SIDT1: variants seen among roughly 807,000 people sequenced by gnomAD.
SIDT1 encodes the protein SID1 transmembrane family member 1, also known as SID1 transmembrane family, member 1.
SIDT1 carries 101 observed loss-of-function variants against 107.5 expected under a neutral mutation model. The ratio of observed to expected loss-of-function variants is 0.94; its 90% confidence interval spans 0.80 to 1.11. SIDT1 has a LOEUF of 1.11. Ranked by LOEUF, SIDT1 falls within the 50% of genes least tolerant of loss-of-function variation. SIDT1 has a pLI of 0.00. For missense variants in SIDT1, 1,076 were observed against 1,058.2 expected (o/e 1.02, Z -0.23); for synonymous variants, 395 against 398.2 (o/e 0.99, Z 0.10).
chr3:113,608,969 T>C (rs563825516), intron 17 of SIDT1, among the ~76,000 whole-genome samples: 56 of 152,042 alleles, frequency 3.7e-4, no homozygotes, highest in African/African-American at 1.3e-3. Flanking sequence ...TCCAGAAGCC[T>C]TCAATTAAGA....
intron 9 of SIDT1, 91 bp downstream of exon 9, chr3:113,585,361 T>C: frequency 1.0e-6 from 1 of 956,138 alleles, no homozygotes; most frequent in Non-Finnish European, 1.7e-6. Flanking sequence ...TTGACTGGCT[T>C]CAAATCTCCC....
intron 1 of SIDT1, among the ~76,000 whole-genome samples, chr3:113,540,233 C>T (rs764948845): frequency 3.9e-5 from 6 of 152,092 alleles, no homozygotes; most frequent in South Asian, 2.1e-4. Flanking sequence ...CTCATTACCA[C>T]GAGGAAACAG....
At chr3:113,569,553 A>G (rs1942255083) in intron 3 of SIDT1, among the ~76,000 whole-genome samples, 1 of 152,050 alleles carries the variant, frequency 6.6e-6, no homozygotes, top group Non-Finnish European at 1.5e-5. Context: ...GGTCCTCTCT[A>G]CCCTCCTTGA....
At chr3:113,602,535 T>C (rs1319525287) in intron 11 of SIDT1, 3 of 152,338 alleles carry the variant, frequency 2.0e-5, no homozygotes, top group Non-Finnish European at 2.9e-5. Context: ...GTTTTCATTA[T>C]ATAATCATAG....
At chr3:113,624,527 A>G (rs1946707619) in intron 23 of SIDT1, among the ~76,000 whole-genome samples, 1 of 152,078 alleles carries the variant, frequency 6.6e-6, no homozygotes, top group African/African-American at 2.4e-5. Context: ...GATTGTTTCT[A>G]TTTTTGTGTC....
downstream of SIDT1, chr3:113,632,749 C>G (rs1365603922): frequency 1.3e-5 from 2 of 152,272 alleles, no homozygotes; most frequent in Non-Finnish European, 2.9e-5. Context: ...ACTTGGGAGG[C>G]TGAGGCTGGA....
intron 9 of SIDT1, among the ~76,000 whole-genome samples, chr3:113,588,975 A>G (rs1157660716): frequency 1.3e-5 from 2 of 152,196 alleles, no homozygotes; most frequent in African/African-American, 4.8e-5. Flanking sequence ...ACTAAGAGCT[A>G]GCTCTTCTGG....
intron 6 of SIDT1, 114 bp from the exon 7 acceptor site, chr3:113,583,295 G>A: frequency 6.4e-6 from 4 of 623,990 alleles, no homozygotes; most frequent in Non-Finnish European, 1.1e-5. Context: ...TAGAGGGCAG[G>A]GGTGAACTTT....
At chr3:113,575,129 A>C (rs2107461218) in intron 3 of SIDT1, among the ~76,000 whole-genome samples, 1 of 152,390 alleles carries the variant, frequency 6.6e-6, no homozygotes, top group East Asian at 1.9e-4. Flanking sequence ...AAGAAAAAAC[A>C]GAAAGTGAAT....
intron 10 of SIDT1, among the ~76,000 whole-genome samples, chr3:113,594,176 G>A (rs1944379526): frequency 6.6e-6 from 1 of 152,136 alleles, no homozygotes; most frequent in African/African-American, 2.4e-5. Context: ...CCCTTTGCTG[G>A]AGAGTTTGCT....
At chr3:113,593,269 G>A (rs1461341807) in intron 10 of SIDT1, among the ~76,000 whole-genome samples, 1 of 152,168 alleles carries the variant, frequency 6.6e-6, no homozygotes, top group Non-Finnish European at 1.5e-5. Context: ...GTACTGATCC[G>A]TGGCCTGTTA....
chr3:113,534,482 G>T (rs1472061531), intron 1 of SIDT1, among the ~76,000 whole-genome samples: 1 of 152,152 alleles, frequency 6.6e-6, no homozygotes, highest in Admixed American at 6.5e-5. Context: ...TAACCTTCAG[G>T]TTATATGTTC....
chr3:113,579,019 G>A (rs992378472), intron 4 of SIDT1, among the ~76,000 whole-genome samples: 2 of 152,074 alleles, frequency 1.3e-5, no homozygotes, highest in African/African-American at 2.4e-5. Flanking sequence ...TTGATTACAG[G>A]AAATATTTTC....
At chr3:113,539,734 A>T (rs889484894) in intron 1 of SIDT1, among the ~76,000 whole-genome samples, 1 of 152,126 alleles carries the variant, frequency 6.6e-6, no homozygotes. Flanking sequence ...AGGTTGGGTA[A>T]TTTATAAGGA....
intron 9 of SIDT1, among the ~76,000 whole-genome samples, chr3:113,586,682 C>T (rs111760132): frequency 0.012 from 1,817 of 152,096 alleles, 38 homozygotes; most frequent in African/African-American, 0.042. Flanking sequence ...ACATATTGAC[C>T]GGGTGATCAA....
chr3:113,600,091 C>G (rs532052238), intron 10 of SIDT1, among the ~76,000 whole-genome samples: 8 of 152,234 alleles, frequency 5.3e-5, no homozygotes, highest in African/African-American at 1.9e-4. Context: ...AAGCTGATCA[C>G]TTGAGGTGGG....
At chr3:113,627,299 ACTAT>A (rs1946922545) in intron 24 of SIDT1, among the ~76,000 whole-genome samples, 1 of 152,084 alleles carries the variant, frequency 6.6e-6, no homozygotes, top group Admixed American at 6.5e-5. Flanking sequence ...AGCACTTATT[ACTAT>A]CTAACATGCT....
chr3:113,611,257 C>A, intron 18 of SIDT1, 113 bp downstream of exon 18: 1 of 1,256,952 alleles, frequency 8.0e-7, no homozygotes, highest in Non-Finnish European at 1.1e-6. Context: ...CAGTTCATGA[C>A]ACAATTTCAT....
chr3:113,551,918 G>C (rs966238048), intron 1 of SIDT1, among the ~76,000 whole-genome samples: 1 of 151,748 alleles, frequency 6.6e-6, no homozygotes, highest in Non-Finnish European at 1.5e-5. Flanking sequence ...AGGGCATCTT[G>C]GAGACCCGAG....
Sources: allele counts gnomAD v4.1 joint callset (sites outside exome capture counted in the v4.1 genomes callset), GRCh38; gene constraint gnomAD v4.1.1; transcripts MANE v1.5; gene names NCBI Gene and HGNC (gene_info 2026-07-23, HGNC 2026-07-21).